The following PHF21B variants were observed in gnomAD, a reference collection of about 807,000 sequenced individuals.
The protein encoded by PHF21B is PHD finger protein 21B.
Under a neutral mutation model 62.2 loss-of-function variants are expected in PHF21B, and 22 were observed. That is an observed-to-expected ratio of 0.35 (90% confidence interval 0.25 to 0.51). PHF21B has a LOEUF of 0.51. Ranked by LOEUF, PHF21B falls within the 20% of genes least tolerant of loss-of-function variation. PHF21B has a pLI of 0.97. For missense variants in PHF21B, 701 were observed against 707.9 expected (o/e 0.99, Z 0.11); for synonymous variants, 341 against 314.7 (o/e 1.08, Z -0.88).
chr22:44,914,421 G>A (rs1052200504), intron 4 of PHF21B, among the ~76,000 whole-genome samples: 1 of 152,216 alleles, frequency 6.6e-6, no homozygotes, highest in African/African-American at 2.4e-5. Context: ...GGTCATCAGT[G>A]AAACTGGCCA....
intron 2 of PHF21B, among the ~76,000 whole-genome samples, chr22:44,943,320 C>T (rs6007397): frequency 0.51 from 76,761 of 151,672 alleles, 20,697 homozygotes; most frequent in Non-Finnish European, 0.61. Flanking sequence ...TGATTACACC[C>T]GAAGGGCCGT....
chr22:44,930,990 T>A (rs1257616272), intron 2 of PHF21B, among the ~76,000 whole-genome samples: 1 of 152,214 alleles, frequency 6.6e-6, no homozygotes. Flanking sequence ...CAGGGGACTC[T>A]TAGAAGACCT....
At chr22:44,938,590 G>A (rs1468841819) in intron 2 of PHF21B, among the ~76,000 whole-genome samples, 2 of 152,232 alleles carry the variant, frequency 1.3e-5, no homozygotes, top group Non-Finnish European at 2.9e-5. Flanking sequence ...AGAAAGGCAG[G>A]GCCAAGGGGG....
chr22:45,009,250 A>G lies in PHF21B; in HGVS notation c.54+246T>C. ...ATGCAGACCCTACATCGCTTAAGAG[A>G]AGACTCCAGGCTCGGGTCCCACGCG... On this transcript the variant is annotated intron_variant, in intron 1 of 12. Coordinates refer to ENST00000313237, the MANE Select transcript of PHF21B (RefSeq NM_138415.5). The surrounding 1 kb of genome is among the most constrained non-coding windows in gnomAD (Gnocchi z 5.9). 1.9e-6 allele frequency: 1 copy of G among 522,580 alleles called. No individual in the cohort carries two copies. Among genetic ancestry groups the G allele is most frequent in the Non-Finnish European group, 3.3e-6 (1 of 305,866 alleles). 32.4% of individuals were successfully genotyped at this position (522,580 alleles called of 1,614,324 possible).
chr22:44,966,761 G>A (rs2072534468), intron 2 of PHF21B, among the ~76,000 whole-genome samples: 1 of 152,220 alleles, frequency 6.6e-6, no homozygotes, highest in Admixed American at 6.5e-5. Context: ...GATGGGCGAT[G>A]GCTTTGAAAT....
At chr22:44,914,471 G>A (rs746748132) in intron 4 of PHF21B, among the ~76,000 whole-genome samples, 5 of 152,242 alleles carry the variant, frequency 3.3e-5, no homozygotes, top group Non-Finnish European at 7.3e-5. Context: ...CAGGCGGCGA[G>A]GACTTCTCAT....
At position 45,009,010 on chromosome 22, in the gene PHF21B, A is replaced by C. The variant is rs1186221737; in HGVS notation, c.55-400T>G. On this transcript the variant is annotated intron_variant, in intron 1 of 12. Coordinates refer to ENST00000313237, the MANE Select transcript of PHF21B (RefSeq NM_138415.5). This position sits in a 1 kb window ranked among gnomAD's most constrained non-coding sequence, Gnocchi z 5.9. Reference sequence around the variant, plus strand: ...CTCATAAATATTCAAGTCGCGTCCTAATCTCCCCAACACACACACGCGCAC... The same window carrying C: ...CTCATAAATATTCAAGTCGCGTCCTCATCTCCCCAACACACACACGCGCAC... The C allele has an allele frequency of 7.2e-6, 8 of 1,109,006 alleles. No individual in the cohort carries two copies. The highest frequency in any genetic ancestry group is 8.8e-6 in the Non-Finnish European group (8 of 910,056). The allele number at this position is 1,109,006 out of a possible 1,614,324, so 68.7% of individuals were successfully genotyped here. A position where few individuals can be genotyped will look rare whatever the true frequency, so the allele number is the denominator to read the frequency against.
intron 6 of PHF21B, among the ~76,000 whole-genome samples, chr22:44,894,288 T>C (rs2071019002): frequency 6.6e-6 from 1 of 152,138 alleles, no homozygotes; most frequent in Admixed American, 6.5e-5. Flanking sequence ...GGACTATTTA[T>C]AAAACCAATA....
chr22:44,987,326 AC>A (rs1242666714), intron 2 of PHF21B, among the ~76,000 whole-genome samples: 1 of 152,044 alleles, frequency 6.6e-6, no homozygotes, highest in Non-Finnish European at 1.5e-5. Flanking sequence ...GGCCAGTGGG[AC>A]CCCCGGGGAG....
At chr22:44,883,843 A>G (rs1300886082) in intron 12 of PHF21B, among the ~76,000 whole-genome samples, 2 of 152,266 alleles carry the variant, frequency 1.3e-5, no homozygotes, top group Admixed American at 1.3e-4. Context: ...GATTATAGGG[A>G]CAATCACAAA....
intron 2 of PHF21B, among the ~76,000 whole-genome samples, chr22:44,968,210 T>C (rs2072567235): frequency 6.6e-6 from 1 of 152,196 alleles, no homozygotes; most frequent in Non-Finnish European, 1.5e-5. Flanking sequence ...ACATAAATTA[T>C]TTGAAACTCT....
At chr22:44,925,785 C>T (rs544635395) in intron 2 of PHF21B, among the ~76,000 whole-genome samples, 2 of 152,242 alleles carry the variant, frequency 1.3e-5, no homozygotes, top group South Asian at 2.1e-4. Context: ...GGATTGTCCT[C>T]CCCATTACCT....
At position 44,950,273 on chromosome 22, in the gene PHF21B, G is replaced by T. The variant is rs538555420; in HGVS notation, c.121-29783C>A. The stretch of plus-strand genomic sequence containing the variant: ...TCGGTAGACTCGTCAACCCTGGGTT[G>T]CGTACCGCAGTGACTCATTAATCCC... On this transcript the variant is annotated intron_variant, in intron 2 of 12. Transcript: ENST00000313237. 4.6e-5 allele frequency among the ~76,000 whole-genome samples: 7 copies of T among 152,356 alleles called. 1 individual carries two copies. The South Asian group carries it at 1.4e-3, about 32-fold the overall frequency.
At chr22:44,990,631 C>T (rs1280427572) in intron 2 of PHF21B, among the ~76,000 whole-genome samples, 2 of 152,158 alleles carry the variant, frequency 1.3e-5, no homozygotes, top group South Asian at 4.1e-4. Context: ...AAGATAAATA[C>T]TCTGTGATTC....
In PHF21B at chr22:44,905,457, T is replaced by C. The variant is rs187970795; in HGVS notation, c.831+8365A>G. ...TAGACATTACTCCTTTCTTTGTGGATCTTAAATACACTTATTTAAAAGCTG... is the reference window on the plus strand; with the variant it reads ...TAGACATTACTCCTTTCTTTGTGGACCTTAAATACACTTATTTAAAAGCTG... On this transcript the variant is annotated intron_variant, in intron 5 of 12. Transcript: ENST00000313237. Among the ~76,000 whole-genome samples the C allele has an allele frequency of 3.3e-5, 5 of 152,352 alleles. No homozygotes were observed. The East Asian group carries it at 9.6e-4, about 29-fold the overall frequency.
rs898852686 is a variant in PHF21B at position 44,993,588 on chromosome 22, C to G, written c.120+14957G>C. 5.9e-5 allele frequency among the ~76,000 whole-genome samples: 9 copies of G among 152,356 alleles called. No homozygotes were observed. The South Asian group carries it at 1.9e-3, about 32-fold the overall frequency. The stretch of plus-strand genomic sequence containing the variant: ...TGCAGTTGACACACACGCTTCTCCG[C>G]AAGGCAGTCAATCCCCATCACAGGC... On this transcript the variant is annotated intron_variant, in intron 2 of 12. Transcript: ENST00000313237.
At chr22:44,961,449 G>A (rs569109405) in intron 2 of PHF21B, among the ~76,000 whole-genome samples, 1 of 152,212 alleles carries the variant, frequency 6.6e-6, no homozygotes, top group East Asian at 1.9e-4. Context: ...AGTATCCACT[G>A]TTGCCGTCTT....
chr22:44,994,778 C>G (rs900401536), intron 2 of PHF21B, among the ~76,000 whole-genome samples: 2 of 152,226 alleles, frequency 1.3e-5, no homozygotes, highest in Non-Finnish European at 2.9e-5. Context: ...CACTTACATA[C>G]AGGCTGCTGA....
rs139892276 is a variant in PHF21B, at chr22:44,921,262, C to T, written c.121-772G>A. Reference sequence around the variant, plus strand: ...CCCTCCCAGGAATTCCAGGCCCACACGCGTACAGGAGATGTGTTGTGGGGT... The same window carrying T: ...CCCTCCCAGGAATTCCAGGCCCACATGCGTACAGGAGATGTGTTGTGGGGT... On this transcript the variant is annotated intron_variant, in intron 2 of 12. Coordinates refer to ENST00000313237, the MANE Select transcript of PHF21B (RefSeq NM_138415.5). Among the ~76,000 whole-genome samples, 490 of 152,302 alleles carry T rather than the reference C, an allele frequency of 3.2e-3. 2 individuals are homozygous for T. Among genetic ancestry groups the T allele is most frequent in the African/African-American group, 0.011 (465 of 41,552 alleles).
Sources: gnomAD v4.1 joint callset for allele counts (sites outside exome capture counted in the v4.1 genomes callset) on GRCh38, gnomAD v4.1.1 for gene constraint, Gnocchi (gnomAD v3.1) non-coding constraint, MANE v1.5 for transcripts, NCBI Gene and HGNC (gene_info 2026-07-23, HGNC 2026-07-21) for gene names.